Variants in KCND2 observed in about 807,000 individuals in gnomAD.
The protein encoded by KCND2 is potassium voltage-gated channel subfamily D member 2.
A neutral mutation model predicts 54.4 loss-of-function variants in KCND2; 16 were observed. The observed-to-expected ratio is 0.29, with a 90% CI of 0.20 to 0.45. The LOEUF (loss-of-function observed/expected upper bound fraction) is 0.45. Among genes scored for constraint, KCND2 ranks in the 20% least tolerant of loss-of-function variants. The pLI is 1.00. For missense variants in KCND2, 486 were observed against 824.2 expected (o/e 0.59, Z 5.02); for synonymous variants, 317 against 310.7 (o/e 1.02, Z -0.21).
At chr7:120,415,906 C>G (rs924440700) in intron 1 of KCND2, among the ~76,000 whole-genome samples, 1 of 152,302 alleles carries the variant, frequency 6.6e-6, no homozygotes, top group South Asian at 2.1e-4. Context: ...GGCATCCATC[C>G]GTTTACAAAA....
chr7:120,590,085 G>A (rs1792651474), intron 1 of KCND2, among the ~76,000 whole-genome samples: 2 of 152,230 alleles, frequency 1.3e-5, no homozygotes, highest in Middle Eastern at 3.4e-3. Context: ...CGGCGAACTC[G>A]ATCTCGGCTC....
At chr7:120,598,941 C>T (rs548294295) in intron 1 of KCND2, among the ~76,000 whole-genome samples, 20 of 152,050 alleles carry the variant, frequency 1.3e-4, no homozygotes, top group African/African-American at 4.8e-4. Flanking sequence ...TTTGTTTTAC[C>T]AGTTTTACAG....
At chr7:120,728,317 G>T (rs1792762525) in intron 1 of KCND2, among the ~76,000 whole-genome samples, 1 of 144,220 alleles carries the variant, frequency 6.9e-6, no homozygotes, top group Non-Finnish European at 1.5e-5. Flanking sequence ...TTGAGATGGA[G>T]TCTCGCTCTT....
At chr7:120,482,702 T>C (rs1802624168) in intron 1 of KCND2, among the ~76,000 whole-genome samples, 1 of 152,138 alleles carries the variant, frequency 6.6e-6, no homozygotes, top group African/African-American at 2.4e-5. Flanking sequence ...CCTTGACAGA[T>C]GCTGGCACCA....
intron 1 of KCND2, among the ~76,000 whole-genome samples, chr7:120,397,598 A>G (rs938358992): frequency 6.6e-6 from 1 of 151,942 alleles, no homozygotes; most frequent in Non-Finnish European, 1.5e-5. Flanking sequence ...GCTGAATCAT[A>G]ATTTTTGTTG....
At chr7:120,403,578 C>T (rs1801299755) in intron 1 of KCND2, among the ~76,000 whole-genome samples, 1 of 151,188 alleles carries the variant, frequency 6.6e-6, no homozygotes, top group Admixed American at 6.6e-5. Context: ...GATCCACCTG[C>T]CTAGGCCTCC....
intron 1 of KCND2, among the ~76,000 whole-genome samples, chr7:120,623,238 T>C (rs1793124591): frequency 6.6e-6 from 1 of 152,164 alleles, no homozygotes; most frequent in Non-Finnish European, 1.5e-5. Flanking sequence ...GGACCAAATA[T>C]AGGCATTTGA....
At chr7:120,346,496 T>C (rs1800318716) in intron 1 of KCND2, among the ~76,000 whole-genome samples, 1 of 152,194 alleles carries the variant, frequency 6.6e-6, no homozygotes, top group Admixed American at 6.5e-5. Flanking sequence ...GTTAGGAGCT[T>C]TAAGTCCATA....
chr7:120,366,813 G>T (rs1800691012), intron 1 of KCND2, among the ~76,000 whole-genome samples: 1 of 152,078 alleles, frequency 6.6e-6, no homozygotes, highest in Admixed American at 6.6e-5. Flanking sequence ...CCGAATCTCT[G>T]TCATTACTAT....
chr7:120,425,802 C>T (rs957459322), intron 1 of KCND2, among the ~76,000 whole-genome samples: 10 of 152,212 alleles, frequency 6.6e-5, no homozygotes, highest in African/African-American at 9.6e-5. Flanking sequence ...CCCTGGCTTG[C>T]GGGGAATAAG....
At chr7:120,712,559 C>T (rs1792554518) in intron 1 of KCND2, among the ~76,000 whole-genome samples, 1 of 151,778 alleles carries the variant, frequency 6.6e-6, no homozygotes, top group African/African-American at 2.4e-5. Flanking sequence ...CTGCGCCTGG[C>T]CTGAAATGTG....
In KCND2 at chr7:120,399,384, T is replaced by C. The variant is rs150754788; in HGVS notation, c.1115+123637T>C. Among the ~76,000 whole-genome samples the C allele has an allele frequency of 7.1e-3, 1,075 of 151,718 alleles. 15 individuals are homozygous for C. Among genetic ancestry groups the C allele is most frequent in the Admixed American group, 0.033 (503 of 15,212 alleles). On this transcript the variant is annotated intron_variant, in intron 1 of 5. Transcript: ENST00000331113. The stretch of plus-strand genomic sequence containing the variant: ...GAAAAAAACATAGAGAAAAAAACAT[T>C]AGAGGAAAAAAACAAAGGGCATCTT...
intron 1 of KCND2, among the ~76,000 whole-genome samples, chr7:120,630,939 G>A (rs1793226381): frequency 6.6e-6 from 1 of 152,154 alleles, no homozygotes; most frequent in African/African-American, 2.4e-5. Context: ...TGCTAAATAA[G>A]TCTGTAAATT....
intron 1 of KCND2, among the ~76,000 whole-genome samples, chr7:120,415,024 C>T (rs140160644): frequency 6.6e-6 from 1 of 152,276 alleles, no homozygotes; most frequent in African/African-American, 2.4e-5. Context: ...ATGAAGTCAA[C>T]TATCTGTGTT....
intron 1 of KCND2, among the ~76,000 whole-genome samples, chr7:120,376,725 T>A (rs1486472488): frequency 6.6e-6 from 1 of 151,822 alleles, no homozygotes; most frequent in Non-Finnish European, 1.5e-5. Flanking sequence ...TTTTCAAGAA[T>A]CATGAAAAAC....
At chr7:120,675,350 G>A (rs779699185) in intron 1 of KCND2, among the ~76,000 whole-genome samples, 15 of 151,824 alleles carry the variant, frequency 9.9e-5, no homozygotes, top group South Asian at 4.2e-4. Flanking sequence ...CTTGTGACTC[G>A]AGTAGCTGGG....
intron 1 of KCND2, among the ~76,000 whole-genome samples, chr7:120,595,591 GTATATA>G (rs58301382): frequency 1.5e-5 from 2 of 131,896 alleles, no homozygotes; most frequent in African/African-American, 5.6e-5. Context: ...GTGTGTGTGT[GTATATA>G]TATATATATA....
chr7:120,561,396 T>C (rs1470960426), intron 1 of KCND2, among the ~76,000 whole-genome samples: 1 of 152,090 alleles, frequency 6.6e-6, no homozygotes, highest in Non-Finnish European at 1.5e-5. Context: ...AATTTACATA[T>C]ACTATATTAG....
chr7:120,578,427 T>C (rs1018040848), intron 1 of KCND2, among the ~76,000 whole-genome samples: 1 of 152,226 alleles, frequency 6.6e-6, no homozygotes, highest in African/African-American at 2.4e-5. Context: ...CATTAAAACC[T>C]ATCACTTCTG....
Sources: gnomAD v4.1 joint callset for allele counts (sites outside exome capture counted in the v4.1 genomes callset) on GRCh38, gnomAD v4.1.1 for gene constraint, MANE v1.5 for transcripts, NCBI Gene and HGNC (gene_info 2026-07-23, HGNC 2026-07-21) for gene names.